The following PHC1 variants were observed in gnomAD, a reference collection of about 807,000 sequenced individuals.
The protein encoded by PHC1 is polyhomeotic-like protein 1.
A neutral mutation model predicts 104.3 loss-of-function variants in PHC1; 12 were observed. That is an observed-to-expected ratio of 0.12 (90% CI 0.07 to 0.19). The LOEUF (loss-of-function observed/expected upper bound fraction) is 0.19, where lower values mean the gene tolerates loss of function less well. Ranked by LOEUF, PHC1 falls within the 10% of genes least tolerant of loss-of-function variation. The pLI is 1.00. For synonymous variants in PHC1, 302 were observed against 455.8 expected (o/e 0.66, Z 4.30); for missense variants, 671 against 1,200.0 (o/e 0.56, Z 6.51).
In PHC1 at chr12:8,926,915, TA is replaced by T. The variant is rs964710427; in HGVS notation, c.613-3509del. Among the ~76,000 whole-genome samples, 94 of 136,654 alleles carry T rather than the reference TA, an allele frequency of 6.9e-4. 1 individual carries two copies. Among genetic ancestry groups the T allele is most frequent in the African/African-American group, 1.4e-3 (51 of 37,424 alleles). 89.7% of individuals were successfully genotyped at this position (136,654 alleles called of 152,430 possible). A position where few individuals can be genotyped will look rare whatever the true frequency, so the allele number is the denominator to read the frequency against. On this transcript the variant is annotated intron_variant, in intron 6 of 14. Coordinates refer to ENST00000544916, the MANE Select transcript of PHC1 (RefSeq NM_004426.3). ...GGGCAACGAGGGCGAAACTCCATCT[TA>T]AAAAAAAAAATGTTTGGGGAGATAG...
rs1945998828 is a variant in PHC1, at chr12:8,941,196, A to G, written c.*1737A>G. 1 of 172,438 alleles carries G rather than the reference A, an allele frequency of 5.8e-6. No homozygotes were observed. Among genetic ancestry groups the G allele is most frequent in the Non-Finnish European group, 1.3e-5 (1 of 79,990 alleles). 10.7% of individuals were successfully genotyped at this position (172,438 alleles called of 1,614,324 possible). On this transcript the variant is annotated 3_prime_UTR_variant, in exon 15 of 15. Coordinates refer to ENST00000544916, the MANE Select transcript of PHC1 (RefSeq NM_004426.3). The stretch of plus-strand genomic sequence containing the variant: ...TCCACAAATGATGTGATGGTACCGT[A>G]TAATCCTGTAATTGGGAAATTTCAC...
At position 8,932,711 on chromosome 12, in the gene PHC1, T is replaced by C. The variant is rs1945722475; in HGVS notation, c.1254T>C (p.Ala418=). 2 of 1,614,014 alleles carry C rather than the reference T, an allele frequency of 1.2e-6. No homozygotes were observed. The highest frequency in any genetic ancestry group is 3.3e-5 in the Admixed American group (2 of 60,000). Residue 418 remains alanine (A), a synonymous_variant, in exon 8 of 15, where the codon GCT becomes GCC. Coordinates refer to ENST00000544916, the MANE Select transcript of PHC1 (RefSeq NM_004426.3). ...QHRQSQLLHT[A]THLQLAQQQQ... is the part of the protein sequence containing the mutation. ...GGCAGTCCCAGCTCCTTCACACAGC[T>C]ACACACCTCCAGTTGGCGCAGCAGC...
Position 8,937,155 on chromosome 12 carries a change from T to C in PHC1, c.2478-21T>C, listed in dbSNP as rs748741071. On this transcript the variant is annotated intron_variant, in intron 12 of 14. Coordinates refer to ENST00000544916, the MANE Select transcript of PHC1 (RefSeq NM_004426.3). ...GTCTTCTGTGGCACTATTGACATCC[T>C]ATATATGCCCTGTCCTGTAGGTACA... 1.2e-4 allele frequency: 192 copies of C among 1,599,214 alleles called. 1 individual carries two copies. The South Asian group carries it at 2.0e-3, about 17-fold the overall frequency.
At chr12:8,922,167 C>T (rs1466839302) in intron 5 of PHC1, among the ~76,000 whole-genome samples, 1 of 152,126 alleles carries the variant, frequency 6.6e-6, no homozygotes, top group Non-Finnish European at 1.5e-5. Context: ...GAAGCTGGGA[C>T]CTACTTCCCA....
intron 6 of PHC1, among the ~76,000 whole-genome samples, chr12:8,924,882 T>C (rs1945473322): frequency 1.3e-5 from 2 of 152,180 alleles, no homozygotes; most frequent in Non-Finnish European, 2.9e-5. Flanking sequence ...ATAACTGTTC[T>C]AACAGTTCCT....
At chr12:8,916,903 C>T (rs764900456) in intron 1 of PHC1, among the ~76,000 whole-genome samples, 1 of 152,168 alleles carries the variant, frequency 6.6e-6, no homozygotes, top group Non-Finnish European at 1.5e-5. Flanking sequence ...GTGAGCTCTT[C>T]TGCTTCCTAG....
At chr12:8,926,312 C>T (rs943250203) in intron 6 of PHC1, among the ~76,000 whole-genome samples, 1 of 152,200 alleles carries the variant, frequency 6.6e-6, no homozygotes, top group African/African-American at 2.4e-5. Flanking sequence ...TTACTCTCCT[C>T]AGTCTTTAAA....
intron 13 of PHC1, 76 bp downstream of exon 13, chr12:8,937,402 C>T: frequency 7.5e-7 from 1 of 1,340,404 alleles, no homozygotes; most frequent in Non-Finnish European, 1.0e-6. Flanking sequence ...ATTCATTTGC[C>T]CAGGTAAGAG....
At position 8,919,744 on chromosome 12, in the gene PHC1, C is replaced by G; in HGVS notation, c.115-12C>G. The G allele has an allele frequency of 6.2e-7, 1 of 1,609,916 alleles. No homozygotes were observed. Among genetic ancestry groups the G allele is most frequent in the Non-Finnish European group, 8.5e-7 (1 of 1,178,350 alleles). ...TGGTCCATTCTAAATGTTTTATCCTCTCTTTTCCTAGGCTCTGCAAGCACT... is the reference window on the plus strand; with the variant it reads ...TGGTCCATTCTAAATGTTTTATCCTGTCTTTTCCTAGGCTCTGCAAGCACT... On this transcript the variant is annotated splice_polypyrimidine_tract_variant and intron_variant, in intron 2 of 14. Coordinates refer to ENST00000544916, the MANE Select transcript of PHC1 (RefSeq NM_004426.3). This position sits in a 1 kb window ranked among gnomAD's most constrained non-coding sequence, Gnocchi z 4.9.
chr12:8,924,566 C>T (rs1945462928), intron 6 of PHC1, among the ~76,000 whole-genome samples: 1 of 152,142 alleles, frequency 6.6e-6, no homozygotes, highest in Non-Finnish European at 1.5e-5. Flanking sequence ...TTTGCAATGC[C>T]TTATTGGGAT....
chr12:8,930,960 C>T (rs1592204015), intron 7 of PHC1, 33 bp downstream of exon 7: 2 of 1,558,498 alleles, frequency 1.3e-6, no homozygotes, highest in Middle Eastern at 3.5e-4. Context: ...ATTATTCTCT[C>T]AGAATTCATG....
At chr12:8,924,461 G>A (rs1335937803) in intron 6 of PHC1, among the ~76,000 whole-genome samples, 1 of 152,230 alleles carries the variant, frequency 6.6e-6, no homozygotes, top group Non-Finnish European at 1.5e-5. Context: ...GGGCGACAGA[G>A]TGAGACTCCG....
intron 4 of PHC1, 23 bp from the exon 5 acceptor site, chr12:8,921,578 T>C: frequency 6.2e-7 from 1 of 1,612,964 alleles, no homozygotes; most frequent in Non-Finnish European, 8.5e-7. Flanking sequence ...TCCTTAGTCC[T>C]GGTTCCTTTC....
chr12:8,920,865 G>T, intron 3 of PHC1, 120 bp from the exon 4 acceptor site: 1 of 652,734 alleles, frequency 1.5e-6, no homozygotes, highest in East Asian at 2.8e-5. Flanking sequence ...CCCTAAAGTG[G>T]AATCTCCCTG....
intron 11 of PHC1, among the ~76,000 whole-genome samples, chr12:8,936,225 T>C (rs1945833456): frequency 6.6e-6 from 1 of 152,070 alleles, no homozygotes. Flanking sequence ...TACAAAAAAA[T>C]ATAAAAATTA....
rs772648742 is a variant in PHC1 at position 8,921,000 on chromosome 12, A to G, written c.241A>G (p.Ser81Gly). Residue 81 changes from serine (S) to glycine (G), a missense_variant, in exon 4 of 15, where the codon AGT becomes GGT. Ser to Gly is a moderately conservative substitution (Grantham distance 56). Transcript: ENST00000544916. ...CCTTTAATAGGCCACAATTGCTGCC[A>G]GTCGGCAGGCCAGCTCCCCAAACAC... is the stretch of plus-strand genomic sequence containing the variant. The part of the protein sequence containing the change: ...AAVQQATIAA[S>G]RQASSPNTST... 1.2e-6 allele frequency: 2 copies of G among 1,612,664 alleles called. No homozygotes were observed. The highest frequency in any genetic ancestry group is 1.7e-6 in the Non-Finnish European group (2 of 1,179,580).
rs151030096 is a variant in PHC1, at chr12:8,919,245, G to C, written c.115-511G>C. ...CAGCTAATTTTTTGTATTTTTAGTAGAGGCGGAGTTTCACCATGTTGGCCA... is the reference window on the plus strand; with the variant it reads ...CAGCTAATTTTTTGTATTTTTAGTACAGGCGGAGTTTCACCATGTTGGCCA... On this transcript the variant is annotated intron_variant, in intron 2 of 14. Transcript: ENST00000544916. This position sits in a 1 kb window ranked among gnomAD's most constrained non-coding sequence, Gnocchi z 4.9. Among the ~76,000 whole-genome samples, 5,771 of 152,172 alleles carry C rather than the reference G, an allele frequency of 0.038. 362 individuals are homozygous for C. Among genetic ancestry groups the C allele is most frequent in the African/African-American group, 0.13 (5,420 of 41,474 alleles).
intron 3 of PHC1, among the ~76,000 whole-genome samples, chr12:8,920,143 G>A (rs889774363): frequency 1.3e-5 from 2 of 152,204 alleles, no homozygotes; most frequent in Non-Finnish European, 1.5e-5. Context: ...TGCTTGAAAT[G>A]TGGCTAGTCT....
In PHC1 at chr12:8,939,603, AGT is replaced by A; in HGVS notation, c.*146_*147del. 1.7e-6 allele frequency: 1 copy of A among 571,500 alleles called. No individual in the cohort carries two copies. The highest frequency in any genetic ancestry group is 3.1e-6 in the Non-Finnish European group (1 of 323,184). The allele number at this position is 571,500 out of a possible 1,614,324, so 35.4% of individuals were successfully genotyped here. A position where few individuals can be genotyped will look rare whatever the true frequency, so the allele number is the denominator to read the frequency against. The stretch of plus-strand genomic sequence containing the variant: ...GGGGATTACTGAGACAGGGAAGAGA[AGT>A]GCAAGAATTGGTTGCTGGTGCTACA... On this transcript the variant is annotated 3_prime_UTR_variant, in exon 15 of 15. Transcript: ENST00000544916.
Sources: allele counts gnomAD v4.1 joint callset (sites outside exome capture counted in the v4.1 genomes callset), GRCh38; gene constraint gnomAD v4.1.1; non-coding constraint Gnocchi (gnomAD v3.1); transcripts MANE v1.5; gene names NCBI Gene and HGNC (gene_info 2026-07-23, HGNC 2026-07-21).